The following MYLK4 variants were observed in gnomAD, a reference collection of about 807,000 sequenced individuals.
The protein encoded by MYLK4 is caMLCK like.
Under a neutral mutation model 48.1 loss-of-function variants are expected in MYLK4, and 46 were observed. That is an observed-to-expected ratio of 0.96 (90% CI 0.75 to 1.22). MYLK4 has a LOEUF of 1.22. Among genes scored for constraint, MYLK4 ranks in the 50% most tolerant of loss-of-function variants. The probability of loss-of-function intolerance (pLI) is 0.00; values close to 1 mark genes in which losing one functional copy is unlikely to be tolerated. For missense variants in MYLK4, 451 were observed against 486.1 expected (o/e 0.93, Z 0.68); for synonymous variants, 170 against 180.8 (o/e 0.94, Z 0.48).
the MYLK4 span, chr6:2,766,245 C>G: frequency 2.0e-6 from 3 of 1,496,370 alleles, no homozygotes; most frequent in East Asian, 2.6e-5. Context: ...GGGGGCCGCC[C>G]GCACCCCCGG....
chr6:2,698,117 CAT>C (rs1051145476), intron 2 of MYLK4, among the ~76,000 whole-genome samples: 6 of 152,300 alleles, frequency 3.9e-5, no homozygotes, highest in African/African-American at 1.4e-4. Flanking sequence ...CATAACATAA[CAT>C]ATAGAGAATT....
At chr6:2,745,041 A>G (rs991713752) in intron 2 of MYLK4, among the ~76,000 whole-genome samples, 1 of 152,206 alleles carries the variant, frequency 6.6e-6, no homozygotes, top group South Asian at 2.1e-4. Flanking sequence ...GTGAACAGGC[A>G]GGTGGGGAAA....
chr6:2,730,464 TC>T (rs1161835512), intron 2 of MYLK4, among the ~76,000 whole-genome samples: 1 of 152,156 alleles, frequency 6.6e-6, no homozygotes, highest in East Asian at 1.9e-4. Flanking sequence ...CAAGAGCAGG[TC>T]CCCGTGTGGT....
chr6:2,720,072 A>T (rs1021115699), intron 2 of MYLK4, among the ~76,000 whole-genome samples: 1 of 151,792 alleles, frequency 6.6e-6, no homozygotes, highest in African/African-American at 2.4e-5. Flanking sequence ...TAATACACAG[A>T]CAAGTTTAGG....
chr6:2,752,744 C>T (rs2113391057), upstream of MYLK4, among the ~76,000 whole-genome samples: 1 of 152,262 alleles, frequency 6.6e-6, no homozygotes, highest in South Asian at 2.1e-4. Context: ...CATTTCCATG[C>T]ACAATATACA....
chr6:2,677,391 G>A (rs1259193879), intron 10 of MYLK4, among the ~76,000 whole-genome samples: 1 of 152,138 alleles, frequency 6.6e-6, no homozygotes, highest in East Asian at 1.9e-4. Context: ...ATGTGTATTA[G>A]TGACTTTAAA....
intron 10 of MYLK4, among the ~76,000 whole-genome samples, chr6:2,675,353 T>A (rs1170831024): frequency 6.6e-6 from 1 of 152,190 alleles, no homozygotes; most frequent in African/African-American, 2.4e-5. Flanking sequence ...TAATAAAAAT[T>A]CTTGTTAATA....
In MYLK4 at chr6:2,743,541, G is replaced by C. The variant is rs75471036; in HGVS notation, c.159+5595C>G. ...CACTGCAGGTGCTGTGTTTGCAATC[G>C]ATTTCTTAGTAAGAGTAGAAGCACT... On this transcript the variant is annotated intron_variant, in intron 2 of 12. Coordinates refer to ENST00000274643, the MANE Select transcript of MYLK4 (RefSeq NM_001012418.5). 1.2e-4 allele frequency among the ~76,000 whole-genome samples: 18 copies of C among 152,288 alleles called. No individual in the cohort carries two copies. In the East Asian group the frequency reaches 1.5e-3, roughly 13 times the overall value.
chr6:2,754,174 T>C (rs2113394146), upstream of MYLK4, among the ~76,000 whole-genome samples: 1 of 152,316 alleles, frequency 6.6e-6, no homozygotes, highest in East Asian at 1.9e-4. Flanking sequence ...CTCCTAGGTA[T>C]CTACCCAAGA....
chr6:2,688,758 C>G, intron 4 of MYLK4, 93 bp downstream of exon 4: 1 of 961,726 alleles, frequency 1.0e-6, no homozygotes, highest in East Asian at 2.4e-5. Flanking sequence ...TCTAATGTTT[C>G]TAGTTCTCAG....
chr6:2,708,461 C>T lies in MYLK4; in HGVS notation c.160-15602G>A, dbSNP rs187464973. Reference sequence around the variant, plus strand: ...TTTTGGCTATGGGAGAAAAAAAAATCGTGGCTCACCTTTCCATTTCCTCTG... The same window carrying T: ...TTTTGGCTATGGGAGAAAAAAAAATTGTGGCTCACCTTTCCATTTCCTCTG... On this transcript the variant is annotated intron_variant, in intron 2 of 12. Coordinates refer to ENST00000274643, the MANE Select transcript of MYLK4 (RefSeq NM_001012418.5). Among the ~76,000 whole-genome samples, 49 of 152,276 alleles carry T rather than the reference C, an allele frequency of 3.2e-4. 1 individual carries two copies. The highest frequency in any genetic ancestry group is 1.0e-3 in the African/African-American group (43 of 41,570).
chr6:2,764,363 C>G, the MYLK4 span, among the ~76,000 whole-genome samples: 36 of 152,288 alleles, frequency 2.4e-4, no homozygotes, highest in Non-Finnish European at 4.9e-4. Flanking sequence ...AGGCTGTGAG[C>G]TCTGGTCGCG....
At chr6:2,682,732 T>G (rs1473498428) in intron 7 of MYLK4, among the ~76,000 whole-genome samples, 2 of 152,324 alleles carry the variant, frequency 1.3e-5, no homozygotes, top group African/African-American at 4.8e-5. Flanking sequence ...GATACCGCTG[T>G]GGTGGTGGTG....
At chr6:2,725,220 G>A (rs1252848533) in intron 2 of MYLK4, among the ~76,000 whole-genome samples, 1 of 152,122 alleles carries the variant, frequency 6.6e-6, no homozygotes, top group Non-Finnish European at 1.5e-5. Context: ...CACTTTGGGA[G>A]GCTAAAGTGA....
chr6:2,689,318 T>G (rs1187865396), intron 3 of MYLK4, among the ~76,000 whole-genome samples: 4 of 152,270 alleles, frequency 2.6e-5, no homozygotes. Flanking sequence ...ATTGTTTGAT[T>G]CATTTTTAAA....
rs1764203248 is a variant in MYLK4 at position 2,749,284 on chromosome 6, A to G, written c.11T>C (p.Val4Ala). ...CGTGTTGAATTCTTCCAGCCTCTTC[A>G]CTTTTAACATCTTAGTAGTGAGTCC... MLK[V>A]KRLEEFNTCY... Residue 4 changes from valine (V) to alanine (A), a missense_variant, in exon 2 of 13, where the codon GTG becomes GCG. Physicochemically the swap from Val to Ala is moderately conservative, Grantham distance 64. Transcript: ENST00000274643. 5.6e-6 allele frequency: 9 copies of G among 1,613,708 alleles called. No individual in the cohort carries two copies. The highest frequency in any genetic ancestry group is 1.6e-4 in the Middle Eastern group (1 of 6,062).
chr6:2,729,285 T>C (rs1357551464), intron 2 of MYLK4, among the ~76,000 whole-genome samples: 1 of 152,132 alleles, frequency 6.6e-6, no homozygotes, highest in Non-Finnish European at 1.5e-5. Context: ...GGGGAGCCAC[T>C]GGGGCCAGGA....
rs1328798526 is a variant in MYLK4, at chr6:2,737,974, GGGCGGGTGGGGGGGGGGT to G, written c.159+11144_159+11161del. Among the ~76,000 whole-genome samples, 2 of 95,086 alleles carry G rather than the reference GGGCGGGTGGGGGGGGGGT, an allele frequency of 2.1e-5. 1 individual carries two copies. Among genetic ancestry groups the G allele is most frequent in the East Asian group, 9.3e-4 (2 of 2,154 alleles). 62.4% of individuals were successfully genotyped at this position (95,086 alleles called of 152,430 possible). On this transcript the variant is annotated intron_variant, in intron 2 of 12. Coordinates refer to ENST00000274643, the MANE Select transcript of MYLK4 (RefSeq NM_001012418.5). ...AACTCTGCTGGGGGTGGGGTGCCGG[GGGCGGGTGGGGGGGGGGT>G]GGTCAATGTTATTAACCCCAGATGA...
rs1448077482 is a variant in MYLK4, at chr6:2,666,662, C to T, written c.*1263G>A. 1 of 152,214 alleles carries T rather than the reference C, an allele frequency of 6.6e-6. No individual in the cohort carries two copies. The highest frequency in any genetic ancestry group is 2.4e-5 in the African/African-American group (1 of 41,446). The allele number at this position is 152,214 out of a possible 1,614,324, so 9.4% of individuals were successfully genotyped here. A position where few individuals can be genotyped will look rare whatever the true frequency, so the allele number is the denominator to read the frequency against. On this transcript the variant is annotated 3_prime_UTR_variant, in exon 13 of 13. Transcript: ENST00000274643. ...AGCGGGTAACAGGAATTTTGTGGGG[C>T]TTTTCCTTGCCTCTCCTTCATGTGG... is the stretch of plus-strand genomic sequence containing the variant.
Sources: gnomAD v4.1 joint callset for allele counts (sites outside exome capture counted in the v4.1 genomes callset) on GRCh38, gnomAD v4.1.1 for gene constraint, MANE v1.5 for transcripts, NCBI Gene and HGNC (gene_info 2026-07-23, HGNC 2026-07-21) for gene names.